Variants in FAM120B observed in about 807,000 individuals in gnomAD.
FAM120B encodes constitutive coactivator of peroxisome proliferator-activated receptor gamma.
Under a neutral mutation model 96.3 loss-of-function variants are expected in FAM120B, and 83 were observed. The ratio of observed to expected loss-of-function variants is 0.86; its 90% CI spans 0.72 to 1.03. The LOEUF is 1.03. Ranked by LOEUF, FAM120B falls within the 50% of genes least tolerant of loss-of-function variation. The pLI is 0.00. For synonymous variants in FAM120B, 407 were observed against 402.7 expected (o/e 1.01, Z -0.13); for missense variants, 1,027 against 1,121.2 (o/e 0.92, Z 1.20).
intron 6 of FAM120B, among the ~76,000 whole-genome samples, 154 bp from the exon 7 acceptor site, chr6:170,388,133 G>A (rs1201302648): frequency 6.6e-6 from 1 of 152,212 alleles, no homozygotes; most frequent in Non-Finnish European, 1.5e-5. Flanking sequence ...AGTAGAGCTG[G>A]TGAAGCTCAG....
chr6:170,393,559 A>G (rs1447786358), intron 8 of FAM120B, among the ~76,000 whole-genome samples: 1 of 152,262 alleles, frequency 6.6e-6, no homozygotes, highest in Non-Finnish European at 1.5e-5. Flanking sequence ...GAGGCGAACT[A>G]CATTTTAAGA....
At chr6:170,376,398 G>A (rs1789514637) in intron 6 of FAM120B, among the ~76,000 whole-genome samples, 1 of 150,598 alleles carries the variant, frequency 6.6e-6, no homozygotes. Flanking sequence ...GATAAGGACA[G>A]TAAGCCAAGG....
intron 6 of FAM120B, among the ~76,000 whole-genome samples, chr6:170,361,223 T>C (rs991830588): frequency 2.8e-5 from 3 of 106,084 alleles, no homozygotes; most frequent in African/African-American, 1.0e-4. Context: ...TATATATATA[T>C]ATATATATAT....
At chr6:170,310,108 T>A (rs1320343056) in intron 1 of FAM120B, among the ~76,000 whole-genome samples, 5 of 152,214 alleles carry the variant, frequency 3.3e-5, no homozygotes, top group Non-Finnish European at 7.3e-5. Flanking sequence ...TTTTCTCTAC[T>A]ATGGGTTTAG....
rs937334534 is a variant in FAM120B, at chr6:170,295,510, C to T, written c.48+57C>T. ...CGGCCCCCAGGCAGCCGCGCTTCCA[C>T]AGCGGGCAGGAGCGCGACCCCCGGC... On this transcript the variant is annotated intron_variant, in intron 1 of 10. Coordinates refer to the FAM120B transcript ENST00000537664. This position sits in a 1 kb window ranked among gnomAD's most constrained non-coding sequence, Gnocchi z 7.8. The T allele has an allele frequency of 1.5e-6, 1 of 688,776 alleles. No individual in the cohort carries two copies. Among genetic ancestry groups the T allele is most frequent in the Middle Eastern group, 2.5e-4 (1 of 3,974 alleles). 42.7% of individuals were successfully genotyped at this position (688,776 alleles called of 1,614,324 possible). A position where few individuals can be genotyped will look rare whatever the true frequency, so the allele number is the denominator to read the frequency against.
chr6:170,330,414 C>T (rs375393734), intron 3 of FAM120B, 35 bp from the exon 4 acceptor site: 4 of 1,504,050 alleles, frequency 2.7e-6, no homozygotes, highest in Middle Eastern at 1.7e-4. Flanking sequence ...GATGCATGCC[C>T]TCATGCATCT....
intron 3 of FAM120B, among the ~76,000 whole-genome samples, chr6:170,330,142 G>A (rs1033345242): frequency 1.3e-5 from 2 of 152,190 alleles, no homozygotes; most frequent in Admixed American, 6.5e-5. Flanking sequence ...TGTGAGGGAG[G>A]TAGGGAGGAA....
intron 4 of FAM120B, among the ~76,000 whole-genome samples, chr6:170,336,267 GC>G (rs1410689413): frequency 1.3e-5 from 2 of 152,100 alleles, no homozygotes; most frequent in Non-Finnish European, 2.9e-5. Context: ...TCTGCTTATG[GC>G]TAGCCAGTTT....
chr6:170,304,955 C>T (rs535572934), upstream of FAM120B, among the ~76,000 whole-genome samples: 1 of 152,242 alleles, frequency 6.6e-6, no homozygotes, highest in South Asian at 2.1e-4. Flanking sequence ...GATCAGGCAC[C>T]AGCATGGTTA....
Position 170,318,390 on chromosome 6 carries a change from G to C in FAM120B, c.1000G>C (p.Asp334His). The C allele has an allele frequency of 1.2e-6, 2 of 1,614,124 alleles. No homozygotes were observed. The highest frequency in any genetic ancestry group is 1.7e-6 in the Non-Finnish European group (2 of 1,180,040). ...CAAACAAGTAATATCCACGAGTTCA[G>C]ACGCCGAATCCAGGGAAGAAGTTCC... ...LDKQVISTSSDAESREEVPMC... is the reference protein window; with the variant it reads ...LDKQVISTSSHAESREEVPMC... Residue 334 changes from aspartate to histidine, a missense_variant, in exon 2 of 11, where the codon GAC (aspartate) becomes CAC (histidine). Transcript: ENST00000476287.
At chr6:170,309,541 A>G (rs969026189) in intron 1 of FAM120B, among the ~76,000 whole-genome samples, 3 of 152,204 alleles carry the variant, frequency 2.0e-5, no homozygotes, top group Non-Finnish European at 4.4e-5. Flanking sequence ...AGATGGACCA[A>G]ATTATATCTT....
At chr6:170,361,394 G>A (rs1448215393) in intron 6 of FAM120B, among the ~76,000 whole-genome samples, 1 of 151,474 alleles carries the variant, frequency 6.6e-6, no homozygotes, top group African/African-American at 2.4e-5. Flanking sequence ...CCCTTAACCT[G>A]CAATAATGTT....
intron 1 of FAM120B, among the ~76,000 whole-genome samples, chr6:170,316,274 T>G (rs1345839923): frequency 1.3e-5 from 2 of 152,230 alleles, no homozygotes; most frequent in African/African-American, 4.8e-5. Context: ...GATACCCATG[T>G]GCTTAGTCAC....
chr6:170,318,962 A>G lies in FAM120B; in HGVS notation c.1572A>G (p.Thr524=). 1 of 1,614,228 alleles carries G rather than the reference A, an allele frequency of 6.2e-7. No homozygotes were observed. The highest frequency in any genetic ancestry group is 8.5e-7 in the Non-Finnish European group (1 of 1,180,032). ...CCAAGCAAGAAGACTCCATGTGTAC[A>G]CACGCTGAAATCAATCAAAAATTAC... ...PISKQEDSMC[T]HAEINQKLPV... Residue 524 remains threonine (T), a synonymous_variant, in exon 2 of 11, where the codon ACA becomes ACG. Transcript: ENST00000476287.
intron 9 of FAM120B, among the ~76,000 whole-genome samples, chr6:170,398,241 G>C (rs1778308511): frequency 6.6e-6 from 1 of 152,238 alleles, no homozygotes; most frequent in African/African-American, 2.4e-5. Flanking sequence ...TCTAGCTCTG[G>C]AATTCTGTGA....
At chr6:170,301,012 T>G (rs1400918840) in intron 1 of FAM120B, among the ~76,000 whole-genome samples, 1 of 152,214 alleles carries the variant, frequency 6.6e-6, no homozygotes, top group African/African-American at 2.4e-5. Flanking sequence ...GTGGCCCTTT[T>G]CTCACAGCTC....
At chr6:170,321,069 GGA>G (rs1174715328) in intron 2 of FAM120B, among the ~76,000 whole-genome samples, 2 of 152,206 alleles carry the variant, frequency 1.3e-5, no homozygotes, top group African/African-American at 4.8e-5. Context: ...GCAGGGTCAA[GGA>G]GAGTCCTCAC....
intron 5 of FAM120B, among the ~76,000 whole-genome samples, chr6:170,356,446 T>G (rs1192681997): frequency 6.6e-6 from 1 of 152,218 alleles, no homozygotes; most frequent in Non-Finnish European, 1.5e-5. Flanking sequence ...TTTTATATAT[T>G]AAGCCTAAAT....
chr6:170,332,864 T>G (rs939767572), intron 4 of FAM120B, among the ~76,000 whole-genome samples: 2 of 152,170 alleles, frequency 1.3e-5, no homozygotes, highest in Admixed American at 1.3e-4. Context: ...ATCTCATAAG[T>G]GCTACATTTT....
Sources: gnomAD v4.1 joint callset for allele counts (sites outside exome capture counted in the v4.1 genomes callset) on GRCh38, gnomAD v4.1.1 for gene constraint, Gnocchi (gnomAD v3.1) non-coding constraint, MANE v1.5 for transcripts, NCBI Gene and HGNC (gene_info 2026-07-23, HGNC 2026-07-21) for gene names.